The following HERC4 variants were observed in gnomAD, a reference collection of about 807,000 sequenced individuals.
HERC4 encodes the protein HECT and RLD domain containing E3 ubiquitin protein ligase 4, also known as probable E3 ubiquitin-protein ligase HERC4.
Under a neutral mutation model 124.3 loss-of-function variants are expected in HERC4, and 28 were observed. That is an observed-to-expected ratio of 0.23 (90% CI 0.17 to 0.31). HERC4 has a LOEUF of 0.31. Ranked by LOEUF, HERC4 falls within the 10% of genes least tolerant of loss-of-function variation. HERC4 has a pLI of 1.00. For synonymous variants in HERC4, 407 were observed against 421.5 expected (o/e 0.97, Z 0.42); for missense variants, 713 against 1,229.3 (o/e 0.58, Z 6.28).
At chr10:68,001,719 C>T (rs946365132) in intron 9 of HERC4, among the ~76,000 whole-genome samples, 5 of 152,116 alleles carry the variant, frequency 3.3e-5, no homozygotes, top group South Asian at 2.1e-4. Flanking sequence ...GGAAACTCTC[C>T]GTACCCTCCT....
chr10:67,980,731 A>G (rs2035880567), intron 15 of HERC4, among the ~76,000 whole-genome samples: 2 of 152,098 alleles, frequency 1.3e-5, no homozygotes, highest in African/African-American at 4.8e-5. Context: ...AAATAGAAAC[A>G]ACAAAAAGTT....
chr10:68,003,612 T>C (rs2037368523), intron 9 of HERC4, among the ~76,000 whole-genome samples: 1 of 152,216 alleles, frequency 6.6e-6, no homozygotes, highest in South Asian at 2.1e-4. Context: ...AGTGAGAACA[T>C]GTGACTGTCT....
chr10:68,072,067 C>T (rs1471087334), intron 3 of HERC4, among the ~76,000 whole-genome samples: 1 of 151,952 alleles, frequency 6.6e-6, no homozygotes, highest in Non-Finnish European at 1.5e-5. Flanking sequence ...ATTATTGTTA[C>T]AGTTAAAATA....
chr10:67,997,262 C>T (rs981355595), intron 9 of HERC4, among the ~76,000 whole-genome samples: 1 of 152,126 alleles, frequency 6.6e-6, no homozygotes, highest in Non-Finnish European at 1.5e-5. Flanking sequence ...CTATTCTTTA[C>T]TTTTTGTGTA....
At chr10:68,032,303 G>C (rs2039248615) in intron 7 of HERC4, among the ~76,000 whole-genome samples, 1 of 152,186 alleles carries the variant, frequency 6.6e-6, no homozygotes, top group East Asian at 1.9e-4. Context: ...TGATAAGACT[G>C]TGATCACTGT....
intron 4 of HERC4, among the ~76,000 whole-genome samples, chr10:68,039,260 G>A (rs1332245011): frequency 6.8e-6 from 1 of 146,204 alleles, no homozygotes; most frequent in Non-Finnish European, 1.5e-5. Context: ...AGGCTGCAGT[G>A]AGCCAAGATC....
Position 67,954,546 on chromosome 10 carries a change from A to C in HERC4, c.2337+49T>G, listed in dbSNP as rs376164208. On this transcript the variant is annotated intron_variant, in intron 19 of 24. Coordinates refer to ENST00000373700, the MANE Select transcript of HERC4 (RefSeq NM_015601.4). ...AATTAACTTGATACATACAGGTATA[A>C]ATACATGGGTATATACACAGAAGTA... 6.1e-6 allele frequency: 9 copies of C among 1,486,946 alleles called. No individual in the cohort carries two copies. In the African/African-American group the frequency reaches 1.3e-4, roughly 21 times the overall value. The allele number at this position is 1,486,946 out of a possible 1,614,324, so 92.1% of individuals were successfully genotyped here.
At chr10:67,955,282 A>G (rs1020483037) in intron 17 of HERC4, 152 bp from the exon 18 acceptor site, 13 of 597,614 alleles carry the variant, frequency 2.2e-5, no homozygotes, top group Non-Finnish European at 3.6e-5. Context: ...GTACAGCATA[A>G]AACTTAATAA....
Position 67,932,754 on chromosome 10 carries a change from T to C in HERC4, c.2681A>G (p.Asp894Gly), listed in dbSNP as rs1209920700. Residue 894 changes from aspartate (D) to glycine (G), a missense_variant, in exon 23 of 25, where the codon GAT becomes GGT. Asp to Gly is a moderately conservative substitution (Grantham distance 94). Coordinates refer to ENST00000373700, the MANE Select transcript of HERC4 (RefSeq NM_015601.4). The stretch of plus-strand genomic sequence containing the variant: ...AGCCACTGATTTATTGAATATGTAA[T>C]CCACATAAGCATCGACAAACTCTTG... ...NRQEFVDAYV[D>G]YIFNKSVASL... is the part of the protein sequence containing the mutation. 7.5e-6 allele frequency: 12 copies of C among 1,599,952 alleles called. No homozygotes were observed. The highest frequency in any genetic ancestry group is 1.0e-5 in the Non-Finnish European group (12 of 1,176,982).
intron 16 of HERC4, among the ~76,000 whole-genome samples, chr10:67,961,812 A>AGTT (rs144297476): frequency 0.04 from 6,114 of 152,322 alleles, 172 homozygotes; most frequent in South Asian, 0.12. Flanking sequence ...TAAGCAAAAC[A>AGTT]TCACTCTATG....
intron 19 of HERC4, among the ~76,000 whole-genome samples, chr10:67,945,028 A>G (rs919447900): frequency 2.0e-5 from 3 of 152,224 alleles, no homozygotes; most frequent in Non-Finnish European, 4.4e-5. Flanking sequence ...AATGGGATGG[A>G]AAGTTTGTTC....
chr10:67,933,805 G>C (rs549742876), intron 22 of HERC4, among the ~76,000 whole-genome samples: 1 of 152,196 alleles, frequency 6.6e-6, no homozygotes, highest in African/African-American at 2.4e-5. Context: ...GTCTCATCTA[G>C]TTCTCAACCC....
At chr10:67,948,779 G>A (rs1464628694) in intron 19 of HERC4, among the ~76,000 whole-genome samples, 4 of 151,926 alleles carry the variant, frequency 2.6e-5, no homozygotes, top group African/African-American at 9.7e-5. Flanking sequence ...AAACTAGCTG[G>A]GCATGGTGAG....
chr10:68,029,892 C>G (rs2039109085), intron 7 of HERC4, among the ~76,000 whole-genome samples: 1 of 151,204 alleles, frequency 6.6e-6, no homozygotes, highest in Admixed American at 6.6e-5. Context: ...GCGCCTGCCA[C>G]CACGCCCGGC....
chr10:67,945,051 A>C (rs1290668918), intron 19 of HERC4, among the ~76,000 whole-genome samples: 7 of 152,226 alleles, frequency 4.6e-5, no homozygotes, highest in African/African-American at 1.7e-4. Context: ...AGAGATAATA[A>C]CAGTGAACAT....
chr10:67,986,647 C>T (rs952843914), intron 15 of HERC4, among the ~76,000 whole-genome samples: 5 of 152,146 alleles, frequency 3.3e-5, no homozygotes, highest in South Asian at 2.1e-4. Context: ...TGAGCCATCA[C>T]GCCCAGCCCA....
At chr10:68,055,316 T>C (rs2040497184) in intron 3 of HERC4, among the ~76,000 whole-genome samples, 2 of 152,238 alleles carry the variant, frequency 1.3e-5, no homozygotes, top group Non-Finnish European at 2.9e-5. Flanking sequence ...GTACAATCCA[T>C]AGCCAAGAAA....
chr10:68,006,356 CGTTTTT>C (rs1014100948), intron 9 of HERC4, among the ~76,000 whole-genome samples: 224 of 149,322 alleles, frequency 1.5e-3, no homozygotes, highest in African/African-American at 2.7e-3. Context: ...AACGCCTCAG[CGTTTTT>C]GTTTTTGTTT....
Position 68,010,299 on chromosome 10 carries a change from T to TAGCCTGGGGTACCAAAATGGG in HERC4, c.1069+3706_1069+3726dup, listed in dbSNP as rs2037865247. The TAGCCTGGGGTACCAAAATGGG allele has an allele frequency of 1.4e-4, 139 of 968,820 alleles. 2 individuals are homozygous for TAGCCTGGGGTACCAAAATGGG. The South Asian group carries it at 1.9e-3, about 13-fold the overall frequency. 60.0% of individuals were successfully genotyped at this position (968,820 alleles called of 1,614,324 possible). On this transcript the variant is annotated intron_variant, in intron 9 of 24. Transcript: ENST00000373700. ...CAGTGCAGTGCAATGAGGGCTCCCA[T>TAGCCTGGGGTACCAAAATGGG]AGCCTGGGGTACCAAAATGGGAGCC...
Sources: allele counts gnomAD v4.1 joint callset (sites outside exome capture counted in the v4.1 genomes callset), GRCh38; gene constraint gnomAD v4.1.1; transcripts MANE v1.5; gene names NCBI Gene and HGNC (gene_info 2026-07-23, HGNC 2026-07-21).